SDK1: variants seen among roughly 807,000 people sequenced by gnomAD.
SDK1 encodes the protein protein sidekick-1.
Under a neutral mutation model 245.5 loss-of-function variants are expected in SDK1, and 157 were observed. That is an observed-to-expected ratio of 0.64 (90% confidence interval 0.56 to 0.73). The LOEUF (loss-of-function observed/expected upper bound fraction) is 0.73, where lower values mean the gene tolerates loss of function less well. SDK1 is among the 30% of genes least tolerant of loss of function. The pLI, the probability that SDK1 is intolerant of heterozygous loss-of-function variation, is 0.00. For synonymous variants in SDK1, 1,647 were observed against 1,278.5 expected (o/e 1.29, Z -6.15); for missense variants, 3,583 against 3,002.3 (o/e 1.19, Z -4.52).
At position 3,604,710 on chromosome 7, in the gene SDK1, C is replaced by G. The variant is rs529261819; in HGVS notation, c.299-14370C>G. ...CTCTACCTCCTGGGTTCAAGTGATT[C>G]TGCTGCCTCAGCCTCCAGAGTAGCT... On this transcript the variant is annotated intron_variant, in intron 1 of 44. Transcript: ENST00000404826. 3.4e-5 allele frequency among the ~76,000 whole-genome samples: 5 copies of G among 148,052 alleles called. No homozygotes were observed. The East Asian group carries it at 6.0e-4, about 18-fold the overall frequency.
At chr7:3,880,996 A>T (rs1781195950) in intron 5 of SDK1, among the ~76,000 whole-genome samples, 1 of 152,200 alleles carries the variant, frequency 6.6e-6, no homozygotes, top group East Asian at 1.9e-4. Flanking sequence ...ACCCTTGAGA[A>T]CAAAAGAAAA....
rs114699348 is a variant in SDK1, at chr7:3,303,181, G to A, written c.298+1297G>A. Among the ~76,000 whole-genome samples, 792 of 152,032 alleles carry A rather than the reference G, an allele frequency of 5.2e-3. 11 individuals carry two copies. The highest frequency in any genetic ancestry group is 0.017 in the African/African-American group (725 of 41,442). On this transcript the variant is annotated intron_variant, in intron 1 of 44. Coordinates refer to ENST00000404826, the MANE Select transcript of SDK1 (RefSeq NM_152744.4). The stretch of plus-strand genomic sequence containing the variant: ...TGGAAAATTTTCATTTCACTTATTT[G>A]TGCTTTTTGCTTAATGACTTACTCT...
At chr7:4,168,432 T>C (rs1184903403) in intron 32 of SDK1, among the ~76,000 whole-genome samples, 1 of 152,136 alleles carries the variant, frequency 6.6e-6, no homozygotes. Context: ...TATCTGTGAG[T>C]CCAGGATCAG....
At chr7:3,525,463 A>C (rs894875100) in intron 1 of SDK1, among the ~76,000 whole-genome samples, 1 of 152,052 alleles carries the variant, frequency 6.6e-6, no homozygotes, top group African/African-American at 2.4e-5. Flanking sequence ...TTACTCCCCA[A>C]GTAGTCTGTG....
intron 25 of SDK1, among the ~76,000 whole-genome samples, chr7:4,122,907 T>G (rs1784159304): frequency 6.6e-6 from 1 of 152,234 alleles, no homozygotes; most frequent in African/African-American, 2.4e-5. Context: ...AGGATTTAAA[T>G]GCGCTGAAAT....
intron 19 of SDK1, among the ~76,000 whole-genome samples, chr7:4,053,764 A>G (rs1484668540): frequency 1.3e-5 from 2 of 152,182 alleles, no homozygotes; most frequent in African/African-American, 4.8e-5. Flanking sequence ...CCAACAATCA[A>G]TCCCTCCTCA....
In SDK1 at chr7:3,496,154, C is replaced by T. The variant is rs186535071; in HGVS notation, c.299-122926C>T. 2.4e-3 allele frequency among the ~76,000 whole-genome samples: 371 copies of T among 152,270 alleles called. 3 individuals are homozygous for T. The highest frequency in any genetic ancestry group is 0.018 in the South Asian group (86 of 4,820). The stretch of plus-strand genomic sequence containing the variant: ...GTGCTGAGCAGCTGTATGCCTTTAA[C>T]TTCTCTGTCACTGCTGCCTCCTCAT... On this transcript the variant is annotated intron_variant, in intron 1 of 44. Transcript: ENST00000404826.
chr7:3,720,553 G>A (rs1206431612), intron 4 of SDK1, among the ~76,000 whole-genome samples: 1 of 152,110 alleles, frequency 6.6e-6, no homozygotes, highest in Non-Finnish European at 1.5e-5. Flanking sequence ...CATCAGAATG[G>A]ATAAAATAAA....
intron 1 of SDK1, among the ~76,000 whole-genome samples, chr7:3,499,550 C>T (rs548283772): frequency 7.2e-5 from 11 of 152,324 alleles, no homozygotes; most frequent in Admixed American, 1.3e-4. Context: ...GAGGTAAACA[C>T]GTCAGGTTTG....
rs562638957 is a variant in SDK1 at position 4,256,337 on chromosome 7, A to G, written c.6382-8787A>G. On this transcript the variant is annotated intron_variant, in intron 44 of 44. Transcript: ENST00000404826. Reference sequence around the variant, plus strand: ...CCATTCCAGAAATATCCTGGCCTTCATGGCTAGTAACTCTGATATTCAGAG... The same window carrying G: ...CCATTCCAGAAATATCCTGGCCTTCGTGGCTAGTAACTCTGATATTCAGAG... Among the ~76,000 whole-genome samples the G allele has an allele frequency of 5.3e-5, 8 of 152,326 alleles. No individual in the cohort carries two copies. The South Asian group carries it at 1.7e-3, about 32-fold the overall frequency.
intron 24 of SDK1, 119 bp downstream of exon 24, chr7:4,113,558 C>T (rs1783493131): frequency 1.7e-6 from 2 of 1,164,588 alleles, no homozygotes; most frequent in Non-Finnish European, 2.4e-6. Context: ...AAACTAATCT[C>T]ATCGTCAAAC....
chr7:4,099,414 G>C (rs1019514599), intron 22 of SDK1, among the ~76,000 whole-genome samples: 1 of 141,962 alleles, frequency 7.0e-6, no homozygotes, highest in African/African-American at 2.6e-5. Context: ...CTCTGCTGTG[G>C]CTTCTGAGGG....
At chr7:3,470,155 T>A (rs1781135358) in intron 1 of SDK1, among the ~76,000 whole-genome samples, 1 of 152,180 alleles carries the variant, frequency 6.6e-6, no homozygotes, top group Admixed American at 6.6e-5. Flanking sequence ...CTGGTCTAGT[T>A]TGAATCTACA....
At chr7:3,704,767 G>T (rs577436399) in intron 4 of SDK1, among the ~76,000 whole-genome samples, 2 of 151,960 alleles carry the variant, frequency 1.3e-5, no homozygotes, top group African/African-American at 4.8e-5. Flanking sequence ...CTTTTCCTAG[G>T]CCAATGTCCA....
chr7:3,713,032 C>T (rs886176832), intron 4 of SDK1, among the ~76,000 whole-genome samples: 21 of 152,192 alleles, frequency 1.4e-4, no homozygotes, highest in African/African-American at 3.9e-4. Context: ...GGCACCAAGG[C>T]GTGCCCATGT....
intron 1 of SDK1, among the ~76,000 whole-genome samples, chr7:3,442,470 T>C (rs1350565273): frequency 6.6e-6 from 1 of 152,110 alleles, no homozygotes; most frequent in African/African-American, 2.4e-5. Flanking sequence ...TCCTTGAGAG[T>C]GAGCCTACAC....
chr7:3,457,491 C>T (rs945172093), intron 1 of SDK1, among the ~76,000 whole-genome samples: 2 of 152,248 alleles, frequency 1.3e-5, no homozygotes, highest in East Asian at 1.9e-4. Context: ...GTGTGTACAT[C>T]CTTATGACTA....
At chr7:3,699,862 G>C (rs1326866484) in intron 4 of SDK1, among the ~76,000 whole-genome samples, 1 of 152,074 alleles carries the variant, frequency 6.6e-6, no homozygotes, top group African/African-American at 2.4e-5. Context: ...GAAGCCGAGA[G>C]AATCCCAAGA....
chr7:3,456,226 C>T lies in SDK1; in HGVS notation c.298+154342C>T, dbSNP rs1359704230. On this transcript the variant is annotated intron_variant, in intron 1 of 44. Coordinates refer to ENST00000404826, the MANE Select transcript of SDK1 (RefSeq NM_152744.4). Reference sequence around the variant, plus strand: ...GAGTTTATTTTGTTTGGGCTTCACTCAGCTTCTTGAATCTGTAGATTTATG... The same window carrying T: ...GAGTTTATTTTGTTTGGGCTTCACTTAGCTTCTTGAATCTGTAGATTTATG... Among the ~76,000 whole-genome samples the T allele has an allele frequency of 1.1e-4, 17 of 152,210 alleles. 1 individual carries two copies. The highest frequency in any genetic ancestry group is 1.0e-3 in the Admixed American group (16 of 15,280).
Sources: allele counts gnomAD v4.1 joint callset (sites outside exome capture counted in the v4.1 genomes callset), GRCh38; gene constraint gnomAD v4.1.1; transcripts MANE v1.5; gene names NCBI Gene and HGNC (gene_info 2026-07-23, HGNC 2026-07-21).